Variants in CTNNA3 observed in about 807,000 individuals in gnomAD.
The protein encoded by CTNNA3 is catenin alpha 3, also known as catenin alpha-3.
Under a neutral mutation model 95.7 loss-of-function variants are expected in CTNNA3, and 76 were observed. The observed-to-expected ratio is 0.79, with a 90% confidence interval of 0.66 to 0.96. The LOEUF (loss-of-function observed/expected upper bound fraction) is 0.96. Among genes scored for constraint, CTNNA3 ranks in the 40% least tolerant of loss-of-function variants. The probability of loss-of-function intolerance (pLI) is 0.00; values close to 1 mark genes in which losing one functional copy is unlikely to be tolerated. For synonymous variants in CTNNA3, 431 were observed against 374.4 expected, an observed-to-expected ratio of 1.15 and a Z score of -1.74; for missense variants, 1,191 against 1,089.8, an observed-to-expected ratio of 1.09 and a Z score of -1.31.
chr10:66,316,140 C>G (rs994420113), intron 12 of CTNNA3, among the ~76,000 whole-genome samples: 4 of 152,026 alleles, frequency 2.6e-5, no homozygotes, highest in African/African-American at 7.2e-5. Context: ...CTATACTTAC[C>G]ATTAAGAAAG....
chr10:66,502,750 C>T (rs1840320085), intron 11 of CTNNA3, among the ~76,000 whole-genome samples: 1 of 152,126 alleles, frequency 6.6e-6, no homozygotes, highest in East Asian at 1.9e-4. Flanking sequence ...AATGATCATA[C>T]TTGTACCGGG....
At chr10:66,653,771 T>C (rs56263512) in intron 9 of CTNNA3, among the ~76,000 whole-genome samples, 17,716 of 152,012 alleles carry the variant, frequency 0.12, 1,179 homozygotes, top group Middle Eastern at 0.19. Flanking sequence ...ACCAATGGAA[T>C]GGAATAGACA....
chr10:66,178,440 T>TATATATACAC (rs1231414006), intron 13 of CTNNA3, among the ~76,000 whole-genome samples: 1 of 105,766 alleles, frequency 9.5e-6, no homozygotes, highest in Non-Finnish European at 1.9e-5. Context: ...TATATATATA[T>TATATATACAC]ATACACACAC....
At chr10:66,445,015 G>T (rs943141166) in intron 11 of CTNNA3, among the ~76,000 whole-genome samples, 5 of 151,626 alleles carry the variant, frequency 3.3e-5, no homozygotes, top group African/African-American at 1.2e-4. Context: ...AAAGGCAGGG[G>T]TCGCAATCCT....
intron 5 of CTNNA3, among the ~76,000 whole-genome samples, chr10:67,478,641 T>C (rs1413178738): frequency 6.6e-6 from 1 of 151,886 alleles, no homozygotes; most frequent in Admixed American, 6.6e-5. Context: ...GTCTTAAACA[T>C]GGAAATGAAA....
intron 9 of CTNNA3, among the ~76,000 whole-genome samples, chr10:66,722,067 G>A (rs1377136574): frequency 6.6e-6 from 1 of 152,104 alleles, no homozygotes; most frequent in African/African-American, 2.4e-5. Context: ...GTATTTATCA[G>A]CTGTCTTTTC....
intron 1 of CTNNA3, among the ~76,000 whole-genome samples, chr10:67,679,294 G>A (rs1030995349): frequency 4.6e-5 from 7 of 152,094 alleles, no homozygotes; most frequent in African/African-American, 1.7e-4. Context: ...AAAAGAACCT[G>A]CCCCCTAGTT....
chr10:67,320,365 T>C (rs1841261737), intron 5 of CTNNA3, among the ~76,000 whole-genome samples: 1 of 152,192 alleles, frequency 6.6e-6, no homozygotes, highest in Non-Finnish European at 1.5e-5. Flanking sequence ...AAAGTTGTTA[T>C]TACTGTTAAC....
chr10:67,301,751 G>A (rs562938738), intron 5 of CTNNA3, among the ~76,000 whole-genome samples: 105 of 152,164 alleles, frequency 6.9e-4, no homozygotes, highest in Non-Finnish European at 1.2e-3. Flanking sequence ...GGTGGATCAC[G>A]AGGTCAGGAG....
intron 7 of CTNNA3, among the ~76,000 whole-genome samples, chr10:67,064,284 C>T (rs1036185848): frequency 6.6e-6 from 1 of 152,132 alleles, no homozygotes; most frequent in Non-Finnish European, 1.5e-5. Context: ...TCTGAAGCTA[C>T]ACTATGTATT....
chr10:66,722,950 G>A (rs1304618998), intron 9 of CTNNA3, among the ~76,000 whole-genome samples: 1 of 152,120 alleles, frequency 6.6e-6, no homozygotes, highest in Admixed American at 6.5e-5. Context: ...ACAGTGTGAG[G>A]CCCGGTGATT....
intron 9 of CTNNA3, among the ~76,000 whole-genome samples, chr10:66,761,808 G>C (rs1019398508): frequency 2.6e-5 from 4 of 152,126 alleles, no homozygotes; most frequent in African/African-American, 7.2e-5. Flanking sequence ...CTCTGGAACA[G>C]AGTCTATAGA....
chr10:67,151,637 T>G (rs1328087153), intron 7 of CTNNA3, among the ~76,000 whole-genome samples: 2 of 152,164 alleles, frequency 1.3e-5, no homozygotes, highest in Non-Finnish European at 2.9e-5. Flanking sequence ...CTCCCCAAGG[T>G]TTCTGTAAAT....
rs181103645 is a variant in CTNNA3 at position 67,131,097 on chromosome 10, C to A, written c.1047+49220G>T. ...GGGCATTATTTTTCACTCTTCTTCC[C>A]TTCCTACTTTACGCTTACCAACTCA... On this transcript the variant is annotated intron_variant, in intron 7 of 17. Transcript: ENST00000433211. 1.1e-4 allele frequency among the ~76,000 whole-genome samples: 17 copies of A among 152,132 alleles called. No individual in the cohort carries two copies. The East Asian group carries it at 3.3e-3, about 29-fold the overall frequency.
At chr10:66,208,591 A>G (rs1178571732) in intron 13 of CTNNA3, among the ~76,000 whole-genome samples, 1 of 152,030 alleles carries the variant, frequency 6.6e-6, no homozygotes, top group Non-Finnish European at 1.5e-5. Context: ...AAGAAAATCA[A>G]GAACACGCTT....
rs182181202 is a variant in CTNNA3, at chr10:66,448,947, G to A, written c.1532-69595C>T. Among the ~76,000 whole-genome samples the A allele has an allele frequency of 3.3e-3, 506 of 152,086 alleles. 1 individual carries two copies. Among genetic ancestry groups the A allele is most frequent in the African/African-American group, 0.012 (485 of 41,528 alleles). ...TTGGCAGAACCCACAATAATCAGAT[G>A]AGATTGGCTAAGAGTAAATCCATAT... On this transcript the variant is annotated intron_variant, in intron 11 of 17. Transcript: ENST00000433211.
intron 5 of CTNNA3, among the ~76,000 whole-genome samples, chr10:67,331,849 A>C (rs1841807380): frequency 6.6e-6 from 1 of 152,208 alleles, no homozygotes; most frequent in Admixed American, 6.5e-5. Flanking sequence ...AATTTCAAAC[A>C]TAATGTCTTC....
At chr10:66,157,834 G>GT (rs544500617) in intron 13 of CTNNA3, among the ~76,000 whole-genome samples, 220 of 151,530 alleles carry the variant, frequency 1.5e-3, no homozygotes, top group African/African-American at 5.1e-3. Context: ...AACATCTACT[G>GT]TTTTTTTTAT....
Position 66,662,498 on chromosome 10 carries a change from C to T in CTNNA3, c.1282-40714G>A, listed in dbSNP as rs138316108. ...GTTTTTGCAGGTACACTTTCTTCCCCTTTCATTAACAAATAGAAGCAACTG... is the reference window on the plus strand; with the variant it reads ...GTTTTTGCAGGTACACTTTCTTCCCTTTTCATTAACAAATAGAAGCAACTG... On this transcript the variant is annotated intron_variant, in intron 9 of 17. Transcript: ENST00000433211. Among the ~76,000 whole-genome samples, 3 of 152,258 alleles carry T rather than the reference C, an allele frequency of 2.0e-5. No individual in the cohort carries two copies. The East Asian group carries it at 5.8e-4, about 29-fold the overall frequency.
Sources: gnomAD v4.1 joint callset for allele counts (sites outside exome capture counted in the v4.1 genomes callset) on GRCh38, gnomAD v4.1.1 for gene constraint, MANE v1.5 for transcripts, NCBI Gene and HGNC (gene_info 2026-07-23, HGNC 2026-07-21) for gene names.